The following SERHL2 variants were observed in gnomAD, a reference collection of about 807,000 sequenced individuals.
The protein encoded by SERHL2 is serine hydrolase like 2.
Under a neutral mutation model 25.5 loss-of-function variants are expected in SERHL2, and 29 were observed. The ratio of observed to expected loss-of-function variants is 1.14; its 90% CI spans 0.85 to 1.55. SERHL2 has a LOEUF of 1.55. SERHL2 is among the 40% of genes most tolerant of loss of function. SERHL2 has a pLI of 0.00. For missense variants in SERHL2, 240 were observed against 252.3 expected (o/e 0.95, Z 0.33); for synonymous variants, 95 against 103.5 (o/e 0.92, Z 0.50).
Position 42,560,225 on chromosome 22 carries a change from G to A in SERHL2, c.573G>A (p.Gly191=), listed in dbSNP as rs759762227. 6.2e-7 allele frequency: 1 copy of A among 1,613,082 alleles called. No homozygotes were observed. Among genetic ancestry groups the A allele is most frequent in the Non-Finnish European group, 8.5e-7 (1 of 1,179,348 alleles). ...KSNSHLSEEC[G]ELLLQRGTTK... ...ATAGCCACTTGAGTGAGGAGTGCGGGGAGCTTCTCCTGCAAAGAGGAACCA... is the reference window on the plus strand; with the variant it reads ...ATAGCCACTTGAGTGAGGAGTGCGGAGAGCTTCTCCTGCAAAGAGGAACCA... Residue 191 remains glycine (G), a synonymous_variant, in exon 8 of 12, where the codon GGG becomes GGA. Transcript: ENST00000327678.
intron 10 of SERHL2, 122 bp downstream of exon 10, chr22:42,571,325 C>A (rs1480876974): frequency 6.6e-7 from 1 of 1,519,998 alleles, no homozygotes; most frequent in African/African-American, 1.4e-5. Flanking sequence ...CGCTAAGGCT[C>A]AAGATCTTTT....
intron 9 of SERHL2, among the ~76,000 whole-genome samples, chr22:42,570,517 TAA>T (rs1354572442): frequency 6.6e-6 from 1 of 152,192 alleles, no homozygotes. Context: ...TTTTGCATGC[TAA>T]GTTTTCCAAA....
chr22:42,569,112 A>T (rs1225880465), intron 9 of SERHL2: 1 of 150,114 alleles, frequency 6.7e-6, no homozygotes, highest in African/African-American at 2.4e-5. Flanking sequence ...CGAACTCCTG[A>T]CCTCAGGTGA....
chr22:42,563,707 A>C (rs897993544), intron 8 of SERHL2, among the ~76,000 whole-genome samples: 149 of 151,900 alleles, frequency 9.8e-4, no homozygotes, highest in African/African-American at 3.4e-3. Context: ...TACTCTTTTT[A>C]TTTTTTGGAG....
intron 11 of SERHL2, chr22:42,572,845 T>C (rs1221785970): frequency 7.0e-6 from 3 of 425,806 alleles, no homozygotes; most frequent in East Asian, 1.6e-4. Context: ...TTATATTTTA[T>C]ATTTTTAAGA....
chr22:42,563,988 G>A (rs943358790), intron 8 of SERHL2, among the ~76,000 whole-genome samples: 1 of 146 alleles, frequency 6.8e-3, no homozygotes, highest in African/African-American at 0.036. Context: ...CAAGAGAATC[G>A]CTTGAACCGG....
chr22:42,556,967 T>C (rs1447697988), intron 6 of SERHL2, among the ~76,000 whole-genome samples: 2 of 54,278 alleles, frequency 3.7e-5, no homozygotes, highest in Non-Finnish European at 6.4e-5. Flanking sequence ...TGTGTCCACA[T>C]TGCACCACCA....
chr22:42,560,343 C>T (rs1922534018), intron 8 of SERHL2, 78 bp downstream of exon 8: 6 of 1,085,400 alleles, frequency 5.5e-6, no homozygotes, highest in South Asian at 3.8e-5. Context: ...TGCCTTAGAC[C>T]AGGCAGGATA....
intron 7 of SERHL2, among the ~76,000 whole-genome samples, chr22:42,559,429 C>T (rs1406481901): frequency 2.0e-5 from 3 of 151,198 alleles, no homozygotes; most frequent in Non-Finnish European, 4.4e-5. Context: ...GGTCCAGGCA[C>T]GGTGGCTCAT....
intron 8 of SERHL2, chr22:42,563,566 C>T (rs977627959): frequency 4.4e-6 from 1 of 228,932 alleles, no homozygotes; most frequent in South Asian, 4.0e-5. Context: ...GTGGGGGAGG[C>T]TCAAATCTTT....
rs1241768726 is a variant in SERHL2 at position 42,574,275 on chromosome 22, G to T, written c.*220G>T. 1.1e-5 allele frequency: 6 copies of T among 567,132 alleles called. No individual in the cohort carries two copies. Among genetic ancestry groups the T allele is most frequent in the Non-Finnish European group, 1.6e-5 (5 of 322,564 alleles). 35.1% of individuals were successfully genotyped at this position (567,132 alleles called of 1,614,324 possible). On this transcript the variant is annotated 3_prime_UTR_variant, in exon 12 of 12. Transcript: ENST00000327678. ...TGGGTTCCAGGGCTGCTTTCTCCTG[G>T]CTAATAATAAATATCCAGCCAGCTG... is the stretch of plus-strand genomic sequence containing the variant.
intron 8 of SERHL2, among the ~76,000 whole-genome samples, chr22:42,564,158 T>C (rs995045364): frequency 5.9e-5 from 9 of 151,706 alleles, no homozygotes; most frequent in African/African-American, 2.2e-4. Flanking sequence ...TTGACACTAA[T>C]ATTATTTTGG....
At chr22:42,565,557 C>G (rs1239463712) in intron 8 of SERHL2, among the ~76,000 whole-genome samples, 5 of 151,810 alleles carry the variant, frequency 3.3e-5, no homozygotes, top group African/African-American at 1.2e-4. Context: ...AACTCCTGAC[C>G]TCGTGATTCG....
At chr22:42,569,010 T>G (rs931900305) in intron 9 of SERHL2, 1 of 151,746 alleles carries the variant, frequency 6.6e-6, no homozygotes, top group African/African-American at 2.4e-5. Context: ...ACCTCCCAAG[T>G]AGCTGAGATT....
At position 42,566,175 on chromosome 22, in the gene SERHL2, G is replaced by T. The variant is rs1923350402; in HGVS notation, c.614-129G>T. 4.7e-6 allele frequency: 4 copies of T among 854,986 alleles called. No homozygotes were observed. In the South Asian group the frequency reaches 5.9e-5, roughly 13 times the overall value. The allele number at this position is 854,986 out of a possible 1,614,324, so 53.0% of individuals were successfully genotyped here. A position where few individuals can be genotyped will look rare whatever the true frequency, so the allele number is the denominator to read the frequency against. On this transcript the variant is annotated intron_variant, in intron 8 of 11. Coordinates refer to ENST00000327678, the MANE Select transcript of SERHL2 (RefSeq NM_014509.5). ...GGACAGGGAGTCCTGGGCAGCTGAGGACGTCGGGGGCAGGTGGGAGAAATG... is the reference window on the plus strand; with the variant it reads ...GGACAGGGAGTCCTGGGCAGCTGAGTACGTCGGGGGCAGGTGGGAGAAATG...
rs1569288186 is a variant in SERHL2 at position 42,574,260 on chromosome 22, G to A, written c.*205G>A. ...GGGGGAGACAGAGTCTGGGTTCCAG[G>A]GCTGCTTTCTCCTGGCTAATAATAA... On this transcript the variant is annotated 3_prime_UTR_variant, in exon 12 of 12. Coordinates refer to ENST00000327678, the MANE Select transcript of SERHL2 (RefSeq NM_014509.5). 3.4e-6 allele frequency: 2 copies of A among 582,754 alleles called. No individual in the cohort carries two copies. Among genetic ancestry groups the A allele is most frequent in the Non-Finnish European group, 3.0e-6 (1 of 331,978 alleles). The allele number at this position is 582,754 out of a possible 1,614,324, so 36.1% of individuals were successfully genotyped here.
At chr22:42,559,952 C>T (rs972590174) in intron 7 of SERHL2, among the ~76,000 whole-genome samples, 4 of 151,804 alleles carry the variant, frequency 2.6e-5, no homozygotes, top group East Asian at 1.9e-4. Context: ...GCTGGGATTA[C>T]AGGCACATGC....
chr22:42,563,271 A>G (rs1056899890), intron 8 of SERHL2: 7 of 196,752 alleles, frequency 3.6e-5, no homozygotes, highest in Non-Finnish European at 7.7e-5. Context: ...TGGCGTGACC[A>G]TGGCTCACTG....
intron 9 of SERHL2, chr22:42,570,072 C>T (rs1923955122): frequency 6.6e-6 from 1 of 152,124 alleles, no homozygotes; most frequent in African/African-American, 2.4e-5. Flanking sequence ...CAGAGCAGCA[C>T]AGTGCAATGG....
Sources: allele counts gnomAD v4.1 joint callset (sites outside exome capture counted in the v4.1 genomes callset), GRCh38; gene constraint gnomAD v4.1.1; transcripts MANE v1.5; gene names NCBI Gene and HGNC (gene_info 2026-07-23, HGNC 2026-07-21).